Variants in CTNNA2 observed in about 807,000 individuals in gnomAD.
The protein encoded by CTNNA2 is catenin alpha-2.
Under a neutral mutation model 101.0 loss-of-function variants are expected in CTNNA2, and 42 were observed. The ratio of observed to expected loss-of-function variants is 0.42; its 90% CI spans 0.32 to 0.54. The LOEUF (loss-of-function observed/expected upper bound fraction) is 0.54. Among genes scored for constraint, CTNNA2 ranks in the 20% least tolerant of loss-of-function variants. The probability of loss-of-function intolerance (pLI) is 0.14; values close to 1 mark genes in which losing one functional copy is unlikely to be tolerated. For synonymous variants in CTNNA2, 450 were observed against 456.4 expected (o/e 0.99, Z 0.18); for missense variants, 871 against 1,223.1 (o/e 0.71, Z 4.29).
chr2:79,464,615 T>A (rs1320930036), intron 4 of CTNNA2, among the ~76,000 whole-genome samples: 3 of 152,130 alleles, frequency 2.0e-5, no homozygotes, highest in Non-Finnish European at 4.4e-5. Context: ...GTAAAAGTGT[T>A]CCTATTTCTC....
intron 7 of CTNNA2, among the ~76,000 whole-genome samples, chr2:80,239,308 C>T (rs1483252697): frequency 1.3e-5 from 2 of 152,094 alleles, no homozygotes; most frequent in African/African-American, 4.8e-5. Context: ...CCCAGCTTAG[C>T]TATGCGAAAC....
At chr2:79,290,855 C>T (rs1260785172) in intron 2 of CTNNA2, among the ~76,000 whole-genome samples, 5 of 152,170 alleles carry the variant, frequency 3.3e-5, no homozygotes, top group Non-Finnish European at 7.4e-5. Flanking sequence ...AGGCAAGAAA[C>T]CTCAGGATAC....
chr2:79,465,435 C>G (rs1670922203), intron 4 of CTNNA2, among the ~76,000 whole-genome samples: 1 of 152,080 alleles, frequency 6.6e-6, no homozygotes, highest in Non-Finnish European at 1.5e-5. Context: ...CAGCTTTGTT[C>G]TTTTGGCTTA....
At position 80,047,576 on chromosome 2, in the gene CTNNA2, A is replaced by G. The variant is rs567931055; in HGVS notation, c.1056+137779A>G. On this transcript the variant is annotated intron_variant, in intron 7 of 18. Coordinates refer to ENST00000402739, the MANE Select transcript of CTNNA2 (RefSeq NM_001282597.3). ...TCCTTGGATATTCTCCAGTGTATGC[A>G]GGAAGAGAGCAGCCTACATGGGCTC... 1.4e-4 allele frequency among the ~76,000 whole-genome samples: 21 copies of G among 152,284 alleles called. 1 individual carries two copies. In the South Asian group the frequency reaches 3.9e-3, roughly 29 times the overall value.
chr2:80,617,713 C>G lies in CTNNA2; in HGVS notation c.2431-1372C>G, dbSNP rs141934209. On this transcript the variant is annotated intron_variant, in intron 17 of 18. Transcript: ENST00000402739. ...GCTTCTGTGTTTCAAACTGCTCTCTCATCTGCCAATTTTGCTTAATTTTAA... is the reference window on the plus strand; with the variant it reads ...GCTTCTGTGTTTCAAACTGCTCTCTGATCTGCCAATTTTGCTTAATTTTAA... 6.5e-3 allele frequency among the ~76,000 whole-genome samples: 981 copies of G among 151,926 alleles called. 41 individuals are homozygous for G. The highest frequency in any genetic ancestry group is 0.057 in the Admixed American group (861 of 15,232).
chr2:80,068,344 A>T (rs1698112753), intron 7 of CTNNA2, among the ~76,000 whole-genome samples: 1 of 152,196 alleles, frequency 6.6e-6, no homozygotes, highest in Non-Finnish European at 1.5e-5. Flanking sequence ...GGTAACAGGG[A>T]GGTCATGCTT....
At chr2:79,804,017 G>A (rs11888039) in intron 3 of CTNNA2, among the ~76,000 whole-genome samples, 2,884 of 152,272 alleles carry the variant, frequency 0.019, 75 homozygotes, top group African/African-American at 0.065. Context: ...TGTGGTAGTT[G>A]GGCCACCAGT....
At chr2:80,544,728 A>G (rs1437503480) in intron 9 of CTNNA2, among the ~76,000 whole-genome samples, 11 of 152,148 alleles carry the variant, frequency 7.2e-5, no homozygotes, top group African/African-American at 2.7e-4. Flanking sequence ...ATAAGAAAAA[A>G]CAGTTCATAA....
intron 7 of CTNNA2, among the ~76,000 whole-genome samples, chr2:80,050,025 C>T (rs1285958645): frequency 1.3e-5 from 2 of 152,090 alleles, no homozygotes; most frequent in Non-Finnish European, 2.9e-5. Context: ...TCTCCTTCCT[C>T]TTCCCACCAC....
rs1693393440 is a variant in CTNNA2, at chr2:80,559,878, T to TATCTATC, written c.1741+3985_1741+3986insATCTATC. On this transcript the variant is annotated intron_variant, in intron 12 of 18. Coordinates refer to ENST00000402739, the MANE Select transcript of CTNNA2 (RefSeq NM_001282597.3). The stretch of plus-strand genomic sequence containing the variant: ...GAAAGCACATTCAGCGATATCATAT[T>TATCTATC]TATATATATATATACACACACATAC... Among the ~76,000 whole-genome samples, 27 of 114,012 alleles carry TATCTATC rather than the reference T, an allele frequency of 2.4e-4. 1 individual carries two copies. Among genetic ancestry groups the TATCTATC allele is most frequent in the African/African-American group, 7.8e-4 (26 of 33,128 alleles). 74.8% of individuals were successfully genotyped at this position (114,012 alleles called of 152,430 possible).
chr2:79,271,424 G>A (rs1316750056), intron 2 of CTNNA2, among the ~76,000 whole-genome samples: 3 of 152,074 alleles, frequency 2.0e-5, no homozygotes, highest in African/African-American at 2.4e-5. Flanking sequence ...GACTGATAGC[G>A]AGAGAGCTGT....
intron 2 of CTNNA2, among the ~76,000 whole-genome samples, chr2:79,255,640 A>G (rs1395392229): frequency 6.6e-6 from 1 of 152,196 alleles, no homozygotes; most frequent in Non-Finnish European, 1.5e-5. Context: ...AGAGTGGTGG[A>G]AAGGCTAAAT....
At chr2:79,887,053 G>A (rs1683932209) in intron 6 of CTNNA2, among the ~76,000 whole-genome samples, 1 of 152,056 alleles carries the variant, frequency 6.6e-6, no homozygotes, top group African/African-American at 2.4e-5. Flanking sequence ...CTGAACTCAA[G>A]TGATCTGCCC....
chr2:80,181,945 C>G (rs1259237598), intron 7 of CTNNA2, among the ~76,000 whole-genome samples: 1 of 152,184 alleles, frequency 6.6e-6, no homozygotes, highest in East Asian at 1.9e-4. Flanking sequence ...AGAACTCCAT[C>G]CTTAAAATTC....
At chr2:80,226,410 A>G (rs1224573349) in intron 7 of CTNNA2, among the ~76,000 whole-genome samples, 1 of 152,202 alleles carries the variant, frequency 6.6e-6, no homozygotes, top group African/African-American at 2.4e-5. Context: ...GAAACTTGGG[A>G]TGTTGGCTGT....
chr2:80,528,436 T>A (rs1487787954), intron 9 of CTNNA2, among the ~76,000 whole-genome samples: 1 of 152,148 alleles, frequency 6.6e-6, no homozygotes. Context: ...GATCTCGTGA[T>A]CTGCCTGCCT....
intron 7 of CTNNA2, among the ~76,000 whole-genome samples, chr2:80,234,419 G>T (rs965778335): frequency 6.6e-6 from 1 of 152,098 alleles, no homozygotes; most frequent in Non-Finnish European, 1.5e-5. Flanking sequence ...ATTCTTTTTG[G>T]TGGCTTCTAG....
chr2:79,377,739 T>G (rs530516332), intron 4 of CTNNA2, among the ~76,000 whole-genome samples: 2 of 152,278 alleles, frequency 1.3e-5, no homozygotes, highest in Admixed American at 6.5e-5. Flanking sequence ...ATTGCATGCA[T>G]AGCATCTAGC....
chr2:79,643,548 G>T lies in CTNNA2; in HGVS notation c.-5-8004G>T, dbSNP rs75047660. ...GATTGTCATGGACACACAAATCTGAGAACTATTTGTATTTGTTTTCTATTG... is the reference window on the plus strand; with the variant it reads ...GATTGTCATGGACACACAAATCTGATAACTATTTGTATTTGTTTTCTATTG... On this transcript the variant is annotated intron_variant, in intron 1 of 18. Coordinates refer to ENST00000402739, the MANE Select transcript of CTNNA2 (RefSeq NM_001282597.3). Among the ~76,000 whole-genome samples the T allele has an allele frequency of 8.5e-3, 1,290 of 152,264 alleles. 27 individuals carry two copies. The highest frequency in any genetic ancestry group is 0.028 in the African/African-American group (1,173 of 41,540).
Sources: allele counts gnomAD v4.1 joint callset (sites outside exome capture counted in the v4.1 genomes callset), GRCh38; gene constraint gnomAD v4.1.1; transcripts MANE v1.5; gene names NCBI Gene and HGNC (gene_info 2026-07-23, HGNC 2026-07-21).